Variants in TSPAN11 observed in about 807,000 individuals in gnomAD.
The protein encoded by TSPAN11 is tetraspanin 11, also known as tetraspanin-11.
A neutral mutation model predicts 32.9 loss-of-function variants in TSPAN11; 29 were observed. The ratio of observed to expected loss-of-function variants is 0.88; its 90% CI spans 0.66 to 1.20. The LOEUF (loss-of-function observed/expected upper bound fraction) is 1.20, where lower values mean the gene tolerates loss of function less well. Among genes scored for constraint, TSPAN11 ranks in the 50% most tolerant of loss-of-function variants. The pLI, the probability that TSPAN11 is intolerant of heterozygous loss-of-function variation, is 0.00. For synonymous variants in TSPAN11, 140 were observed against 141.3 expected, an observed-to-expected ratio of 0.99 and a Z score of 0.07; for missense variants, 283 against 329.1, an observed-to-expected ratio of 0.86 and a Z score of 1.08.
chr12:30,928,499 G>A (rs558062823), intron 1 of TSPAN11, among the ~76,000 whole-genome samples: 2 of 152,288 alleles, frequency 1.3e-5, no homozygotes, highest in South Asian at 4.2e-4. Flanking sequence ...ATGCACAGAC[G>A]GCACCGAATT....
intron 1 of TSPAN11, among the ~76,000 whole-genome samples, chr12:30,935,049 C>T (rs1565787322): frequency 6.6e-6 from 1 of 152,156 alleles, no homozygotes; most frequent in African/African-American, 2.4e-5. Context: ...GAAGCAAGGA[C>T]TTCCTCAGCC....
chr12:30,985,405 G>C (rs1254052238), intron 7 of TSPAN11, among the ~76,000 whole-genome samples: 1 of 152,064 alleles, frequency 6.6e-6, no homozygotes, highest in Non-Finnish European at 1.5e-5. Flanking sequence ...AAAAGCTCTA[G>C]CTGTTCCTTG....
At chr12:30,957,814 T>TGTGTAG (rs1488278671) in intron 2 of TSPAN11, among the ~76,000 whole-genome samples, 1 of 39,554 alleles carries the variant, frequency 2.5e-5, no homozygotes, top group Non-Finnish European at 4.8e-5. Context: ...CTTCCTTCCT[T>TGTGTAG]CCCTCCTTCC....
At chr12:30,960,761 A>G (rs557870422) in intron 2 of TSPAN11, among the ~76,000 whole-genome samples, 2 of 152,042 alleles carry the variant, frequency 1.3e-5, no homozygotes, top group South Asian at 4.2e-4. Context: ...GTTATTGCCC[A>G]GGCGCGCTGG....
rs1434300391 is a variant in TSPAN11 at position 30,993,439 on chromosome 12, C to CCTCA, written c.*1525_*1528dup. 5.2e-5 allele frequency: 8 copies of CCTCA among 152,428 alleles called. No individual in the cohort carries two copies. In the East Asian group the frequency reaches 1.5e-3, roughly 29 times the overall value. 9.4% of individuals were successfully genotyped at this position (152,428 alleles called of 1,614,324 possible). A position where few individuals can be genotyped will look rare whatever the true frequency, so the allele number is the denominator to read the frequency against. ...GCCCTGAACTGTCCAGAAACTGCAT[C>CCTCA]CTCAGCACAGGAAGTACCCACATGG... On this transcript the variant is annotated 3_prime_UTR_variant, in exon 8 of 8. Coordinates refer to ENST00000546076, the MANE Select transcript of TSPAN11 (RefSeq NM_001370302.1).
At chr12:30,946,605 G>A (rs367647265) in intron 1 of TSPAN11, among the ~76,000 whole-genome samples, 10 of 152,196 alleles carry the variant, frequency 6.6e-5, no homozygotes, top group African/African-American at 2.2e-4. Context: ...CCTGGGCACC[G>A]GGTGCTGCTC....
chr12:30,937,182 G>T (rs527962381), intron 1 of TSPAN11, among the ~76,000 whole-genome samples: 55 of 152,338 alleles, frequency 3.6e-4, no homozygotes, highest in African/African-American at 1.3e-3. Flanking sequence ...TAAGTGGGCG[G>T]TGGAGGAGGT....
chr12:30,985,492 C>G (rs572750324), intron 7 of TSPAN11, among the ~76,000 whole-genome samples: 1 of 152,298 alleles, frequency 6.6e-6, no homozygotes, highest in South Asian at 2.1e-4. Context: ...CATTGCCCCT[C>G]TATTGCACTT....
At position 30,963,499 on chromosome 12, in the gene TSPAN11, A is replaced by G. The variant is rs138788240; in HGVS notation, c.85-327A>G. ...GGTGAAAAGTTGGAGAAGCAAAGGG[A>G]CTCAGATACGTTGATCATCCCTGAA... On this transcript the variant is annotated intron_variant, in intron 2 of 7. Transcript: ENST00000546076. Among the ~76,000 whole-genome samples the G allele has an allele frequency of 3.6e-3, 548 of 152,166 alleles. 2 individuals are homozygous for G. The highest frequency in any genetic ancestry group is 6.1e-3 in the Non-Finnish European group (416 of 67,994).
intron 2 of TSPAN11, among the ~76,000 whole-genome samples, chr12:30,955,483 A>T (rs1174186243): frequency 6.6e-6 from 1 of 152,254 alleles, no homozygotes; most frequent in African/African-American, 2.4e-5. Context: ...CACTACAGAT[A>T]ACCTCTAAAA....
chr12:30,990,087 C>T (rs1939280666), intron 7 of TSPAN11, among the ~76,000 whole-genome samples: 1 of 152,222 alleles, frequency 6.6e-6, no homozygotes, highest in Admixed American at 6.5e-5. Flanking sequence ...TATTCAGGAA[C>T]CAGACTGGGT....
At chr12:30,963,553 G>A (rs916925485) in intron 2 of TSPAN11, among the ~76,000 whole-genome samples, 5 of 152,178 alleles carry the variant, frequency 3.3e-5, no homozygotes, top group African/African-American at 9.7e-5. Flanking sequence ...GGCCTCATAC[G>A]CAATAGGCCA....
Position 30,926,769 on chromosome 12 carries a change from C to T in TSPAN11, c.-39C>T. 3.1e-6 allele frequency: 1 copy of T among 324,228 alleles called. No homozygotes were observed. Among genetic ancestry groups the T allele is most frequent in the South Asian group, 2.6e-5 (1 of 38,242 alleles). The allele number at this position is 324,228 out of a possible 1,614,324, so 20.1% of individuals were successfully genotyped here. On this transcript the variant is annotated 5_prime_UTR_variant, in exon 1 of 8. Transcript: ENST00000546076. ...TCTCAGTCTCTCTAGGCGCAGCTCC[C>T]TTCGCCGCTTCCGGAGCCCCTGGCA...
At chr12:30,980,097 G>A (rs990125552) in intron 5 of TSPAN11, among the ~76,000 whole-genome samples, 2 of 152,330 alleles carry the variant, frequency 1.3e-5, no homozygotes, top group South Asian at 4.1e-4. Context: ...GTAAGAGTGA[G>A]CTGTAACCAG....
At chr12:30,944,273 C>A (rs1229959015) in intron 1 of TSPAN11, among the ~76,000 whole-genome samples, 2 of 152,062 alleles carry the variant, frequency 1.3e-5, no homozygotes, top group Non-Finnish European at 2.9e-5. Flanking sequence ...TAGTATTTTT[C>A]AGGAATACAA....
chr12:30,954,099 C>G (rs756572532), intron 2 of TSPAN11, 24 bp downstream of exon 2: 10 of 1,560,600 alleles, frequency 6.4e-6, no homozygotes, highest in Non-Finnish European at 6.2e-6. Flanking sequence ...GCACACACAT[C>G]CTCTTCCCCG....
At chr12:30,930,402 G>A (rs1475758596) in intron 1 of TSPAN11, among the ~76,000 whole-genome samples, 2 of 152,194 alleles carry the variant, frequency 1.3e-5, no homozygotes, top group Non-Finnish European at 2.9e-5. Flanking sequence ...CTGGAGCTGC[G>A]AGAAGGAAAG....
rs548866433 is a variant in TSPAN11, at chr12:30,993,377, A to T, written c.*1462A>T. 1 of 152,514 alleles carries T rather than the reference A, an allele frequency of 6.6e-6. No individual in the cohort carries two copies. Among genetic ancestry groups the T allele is most frequent in the South Asian group, 2.1e-4 (1 of 4,830 alleles). 9.4% of individuals were successfully genotyped at this position (152,514 alleles called of 1,614,324 possible). On this transcript the variant is annotated 3_prime_UTR_variant, in exon 8 of 8. Transcript: ENST00000546076. ...GCGTGCTCTCTCTCCCATACATAGGAGTGGCCTCAAGGCCACCCAGTGCTG... is the reference window on the plus strand; with the variant it reads ...GCGTGCTCTCTCTCCCATACATAGGTGTGGCCTCAAGGCCACCCAGTGCTG...
At chr12:30,951,669 T>A (rs1938384720) in intron 1 of TSPAN11, among the ~76,000 whole-genome samples, 1 of 152,176 alleles carries the variant, frequency 6.6e-6, no homozygotes, top group Non-Finnish European at 1.5e-5. Context: ...GTTCCATAAA[T>A]ACTAGCTACA....
Sources: allele counts gnomAD v4.1 joint callset (sites outside exome capture counted in the v4.1 genomes callset), GRCh38; gene constraint gnomAD v4.1.1; transcripts MANE v1.5; gene names NCBI Gene and HGNC (gene_info 2026-07-23, HGNC 2026-07-21).